Variants in SSBP4 observed in about 807,000 individuals in gnomAD.
SSBP4 encodes single stranded DNA binding protein 4, also known as single-stranded DNA-binding protein 4.
In SSBP4, 33 loss-of-function variants were observed where a neutral mutation model predicts 64.6. The ratio of observed to expected loss-of-function variants is 0.51; its 90% confidence interval spans 0.39 to 0.68. SSBP4 has a LOEUF of 0.68. Among genes scored for constraint, SSBP4 ranks in the 30% least tolerant of loss-of-function variants. The pLI is 0.00. For synonymous variants in SSBP4, 243 were observed against 224.0 expected (o/e 1.08, Z -0.76); for missense variants, 583 against 566.8 (o/e 1.03, Z -0.29).
chr19:18,405,610 G>A, the SSBP4 span, among the ~76,000 whole-genome samples: 4 of 152,046 alleles, frequency 2.6e-5, no homozygotes, highest in African/African-American at 9.7e-5. Flanking sequence ...TGGGACTCAG[G>A]TGATCCTCCC....
chr19:18,432,175 C>T lies in SSBP4; in HGVS notation c.665C>T (p.Pro222Leu). The T allele has an allele frequency of 1.9e-6, 3 of 1,613,154 alleles. No homozygotes were observed. The highest frequency in any genetic ancestry group is 2.5e-6 in the Non-Finnish European group (3 of 1,179,980). ...TATGGAGGTGGCATGCGACCCCCAC[C>T]CAACTCCCTCGCCGGCCCAGGCCTG... is the stretch of plus-strand genomic sequence containing the variant. ...QSYGGGMRPP[P>L]NSLAGPGLPA... The change falls in exon 10 of 18, where the codon CCC becomes CTC. Residue 222 changes from proline (P) to leucine (L), a missense_variant. Pro to Leu is a moderately conservative substitution (Grantham distance 98). Around this residue, in one of 5 missense-constraint regions of SSBP4, gnomAD observed 444 missense variants for 386.6 expected, o/e 1.15. Coordinates refer to ENST00000270061, the MANE Select transcript of SSBP4 (RefSeq NM_032627.5).
upstream of SSBP4, among the ~76,000 whole-genome samples, chr19:18,416,538 C>T (rs1234029629): frequency 6.6e-6 from 1 of 152,104 alleles, no homozygotes; most frequent in East Asian, 1.9e-4. Context: ...GGCTCCACAC[C>T]CTCCCATTGC....
At chr19:18,432,490 G>C (rs1386930664) in intron 10 of SSBP4, 69 bp from the exon 11 acceptor site, 1 of 1,514,922 alleles carries the variant, frequency 6.6e-7, no homozygotes, top group Non-Finnish European at 8.9e-7. Flanking sequence ...CAGGGTGTGG[G>C]GGGTGTGTGG....
upstream of SSBP4, among the ~76,000 whole-genome samples, chr19:18,416,075 C>T (rs1366464526): frequency 1.3e-5 from 2 of 152,124 alleles, no homozygotes; most frequent in Non-Finnish European, 2.9e-5. Flanking sequence ...CAGGCTGGAG[C>T]GCAATCTTGG....
chr19:18,431,199 GACCACTGGTGCCTGA>G (rs1973344294), intron 5 of SSBP4, among the ~76,000 whole-genome samples, 139 bp from the exon 6 acceptor site: 1 of 52,118 alleles, frequency 1.9e-5, no homozygotes, highest in South Asian at 6.3e-4. Flanking sequence ...TGGTCCTGGT[GACCACTGGTGCCTGA>G]GTCCTGCCCT....
the SSBP4 span, among the ~76,000 whole-genome samples, chr19:18,413,251 C>T: frequency 4.6e-5 from 7 of 150,688 alleles, no homozygotes; most frequent in South Asian, 8.3e-4. Flanking sequence ...AGAGGCTCCT[C>T]GGCCAGGAGT....
In SSBP4 at chr19:18,431,362, G is replaced by A. The variant is rs774101701; in HGVS notation, c.379G>A (p.Gly127Ser). The change falls in exon 6 of 18, where the codon GGC (glycine) becomes AGC (serine). Residue 127 changes from glycine (G) to serine (S), a missense_variant. Around this residue, in one of 5 missense-constraint regions of SSBP4, gnomAD observed 444 missense variants for 386.6 expected, o/e 1.15. Transcript: ENST00000270061. The stretch of plus-strand genomic sequence containing the variant: ...GGTTCTGTCCTCCTAGGGCCCCCCC[G>A]GCTCCCAGCCGTCCCCCCACAACCC... Reference protein sequence around the residue: ...MAAGFFQGPPGSQPSPHNPNA... With the variant: ...MAAGFFQGPPSSQPSPHNPNA... 4.4e-5 allele frequency: 26 copies of A among 588,098 alleles called. No individual in the cohort carries two copies. The East Asian group carries it at 4.8e-4, about 11-fold the overall frequency. 36.4% of individuals were successfully genotyped at this position (588,098 alleles called of 1,614,324 possible).
At chr19:18,433,980 AC>A (rs1382209590) in intron 17 of SSBP4, 163 bp downstream of exon 17, 14 of 684,908 alleles carry the variant, frequency 2.0e-5, no homozygotes, top group East Asian at 1.4e-4. Context: ...ACCTCTCCCC[AC>A]CCCCCACCAC....
At chr19:18,419,283 C>G (rs1036000024), upstream of SSBP4, 4 of 996,750 alleles carry the variant, frequency 4.0e-6, no homozygotes, top group African/African-American at 1.7e-5. Context: ...TGCGCGTGCG[C>G]GCTCCGGCGG....
the SSBP4 span, among the ~76,000 whole-genome samples, chr19:18,405,152 G>A: frequency 3.3e-5 from 5 of 152,232 alleles, no homozygotes; most frequent in South Asian, 2.1e-4. Context: ...CAGCCTGGGT[G>A]CTGCCCCAAG....
Position 18,433,934 on chromosome 19 carries a change from T to TG in SSBP4, c.1128+124dup, listed in dbSNP as rs1346757044. 70 of 1,240,188 alleles carry TG rather than the reference T, an allele frequency of 5.6e-5. No homozygotes were observed. In the East Asian group the frequency reaches 9.2e-4, roughly 16 times the overall value. The allele number at this position is 1,240,188 out of a possible 1,614,324, so 76.8% of individuals were successfully genotyped here. A position where few individuals can be genotyped will look rare whatever the true frequency, so the allele number is the denominator to read the frequency against. Reference sequence around the variant, plus strand: ...AAGACCGTGACCGCGGCGGGCCAGGTGGGGGGGCGGCCGCGGCATCCTTTC... The same window carrying TG: ...AAGACCGTGACCGCGGCGGGCCAGGTGGGGGGGGCGGCCGCGGCATCCTTTC... On this transcript the variant is annotated intron_variant, in intron 17 of 17. Coordinates refer to ENST00000270061, the MANE Select transcript of SSBP4 (RefSeq NM_032627.5).
Position 18,432,561 on chromosome 19 carries a change from G to A in SSBP4, c.707G>A (p.Gly236Asp), listed in dbSNP as rs1973508385. The change falls in exon 11 of 18, where the codon GGC becomes GAC. Residue 236 changes from glycine to aspartate, a missense_variant and splice_region_variant. Gly to Asp is a moderately conservative substitution (Grantham distance 94). Coordinates refer to ENST00000270061, the MANE Select transcript of SSBP4 (RefSeq NM_032627.5). Reference protein sequence around the residue: ...AGPGLPAMNMGPGVRGPWASP... With the variant: ...AGPGLPAMNMDPGVRGPWASP... The stretch of plus-strand genomic sequence containing the variant: ...CTGTCATCCGCGGTCTCTTCCAGGG[G>A]CCCAGGAGTTCGTGGCCCGTGGGCC... The A allele has an allele frequency of 6.9e-7, 1 of 1,444,352 alleles. No homozygotes were observed. 89.5% of individuals were successfully genotyped at this position (1,444,352 alleles called of 1,614,324 possible).
chr19:18,433,930 C>G, intron 17 of SSBP4, 113 bp downstream of exon 17: 1 of 1,251,360 alleles, frequency 8.0e-7, no homozygotes, highest in Non-Finnish European at 1.0e-6. Context: ...CGCGGCGGGC[C>G]AGGTGGGGGG....
upstream of SSBP4, among the ~76,000 whole-genome samples, chr19:18,417,711 A>G (rs1972174427): frequency 6.6e-6 from 1 of 152,112 alleles, no homozygotes; most frequent in African/African-American, 2.4e-5. This position sits in a 1 kb window ranked among gnomAD's most constrained non-coding sequence, Gnocchi z 5.4. Context: ...AGCTGGGGGA[A>G]GGGGCGGCCG....
intron 1 of SSBP4, among the ~76,000 whole-genome samples, chr19:18,419,944 G>T (rs1972316269): frequency 6.6e-6 from 1 of 150,672 alleles, no homozygotes; most frequent in Non-Finnish European, 1.5e-5. Flanking sequence ...CCCGAGGGGC[G>T]CTAGACGGGA....
At chr19:18,407,417 G>T in the SSBP4 span, among the ~76,000 whole-genome samples, 23 of 151,850 alleles carry the variant, frequency 1.5e-4, no homozygotes, top group African/African-American at 4.8e-4. Flanking sequence ...TGTTTTTTTT[G>T]TTGTTGTTTT....
chr19:18,412,064 C>G, the SSBP4 span, among the ~76,000 whole-genome samples: 2 of 152,170 alleles, frequency 1.3e-5, no homozygotes, highest in African/African-American at 4.8e-5. Context: ...ACTCGGGAAG[C>G]TGAGCTGCGA....
At chr19:18,411,456 C>T in the SSBP4 span, among the ~76,000 whole-genome samples, 1 of 152,080 alleles carries the variant, frequency 6.6e-6, no homozygotes, top group East Asian at 1.9e-4. Flanking sequence ...GATTGCGCCA[C>T]TGCACTCCAG....
At chr19:18,432,460 G>T (rs3810429) in intron 10 of SSBP4, 99 bp from the exon 11 acceptor site, 552,202 of 1,475,562 alleles carry the variant, frequency 0.37, 109,976 homozygotes, top group African/African-American at 0.75. Flanking sequence ...CTCTGTGGTC[G>T]GTCTGGGGAT....
Sources: allele counts gnomAD v4.1 joint callset (sites outside exome capture counted in the v4.1 genomes callset), GRCh38; gene constraint gnomAD v4.1.1; regional missense constraint gnomAD v4.1.1; non-coding constraint Gnocchi (gnomAD v3.1); transcripts MANE v1.5; gene names NCBI Gene and HGNC (gene_info 2026-07-23, HGNC 2026-07-21).